Variants in SCAI observed in about 807,000 individuals in gnomAD.
SCAI encodes the protein protein SCAI.
Under a neutral mutation model 92.2 loss-of-function variants are expected in SCAI, and 24 were observed. That is an observed-to-expected ratio of 0.26 (90% CI 0.19 to 0.37). SCAI has a LOEUF of 0.37. SCAI is among the 10% of genes least tolerant of loss of function. The probability of loss-of-function intolerance (pLI) is 1.00; values close to 1 mark genes in which losing one functional copy is unlikely to be tolerated. For synonymous variants in SCAI, 261 were observed against 258.6 expected (o/e 1.01, Z -0.09); for missense variants, 450 against 736.2 (o/e 0.61, Z 4.50).
At chr9:125,133,979 G>A (rs773632378) in intron 2 of SCAI, among the ~76,000 whole-genome samples, 1 of 152,122 alleles carries the variant, frequency 6.6e-6, no homozygotes, top group Non-Finnish European at 1.5e-5. Flanking sequence ...ATTCTCAAAT[G>A]TCCCTTAGGA....
intron 2 of SCAI, among the ~76,000 whole-genome samples, chr9:125,086,059 T>C (rs542414231): frequency 1.3e-5 from 2 of 152,350 alleles, no homozygotes; most frequent in African/African-American, 4.8e-5. Flanking sequence ...TCTATCAAAC[T>C]TTTCTGGATC....
At chr9:125,037,897 C>T (rs1169077384) in intron 3 of SCAI, among the ~76,000 whole-genome samples, 2 of 151,340 alleles carry the variant, frequency 1.3e-5, no homozygotes, top group Admixed American at 6.6e-5. Flanking sequence ...GCCTGGGCGA[C>T]GAGAGTGAAA....
At chr9:125,035,370 GAAAGAAAC>G (rs571876235) in intron 3 of SCAI, among the ~76,000 whole-genome samples, 57 of 151,798 alleles carry the variant, frequency 3.8e-4, no homozygotes, top group Non-Finnish European at 6.9e-4. Context: ...AAGAAAAAAT[GAAAGAAAC>G]AAAGAAACAA....
intron 9 of SCAI, among the ~76,000 whole-genome samples, chr9:125,009,950 T>A (rs1381827157): frequency 6.6e-6 from 1 of 152,084 alleles, no homozygotes; most frequent in Non-Finnish European, 1.5e-5. Context: ...ATCCCAGCAC[T>A]TTGGGAGGCC....
In SCAI at chr9:125,030,826, G is replaced by A. The variant is rs181902021; in HGVS notation, c.231-1087C>T. The stretch of plus-strand genomic sequence containing the variant: ...TACACTTAAAATACAATGAGAAAAA[G>A]ATGAACTCAGAAAAGAATTAGCTGC... On this transcript the variant is annotated intron_variant, in intron 3 of 17. Coordinates refer to ENST00000336505, the MANE Select transcript of SCAI (RefSeq NM_001144877.3). Among the ~76,000 whole-genome samples the A allele has an allele frequency of 2.3e-3, 348 of 152,240 alleles. 2 individuals are homozygous for A. The highest frequency in any genetic ancestry group is 7.9e-3 in the African/African-American group (330 of 41,530).
chr9:125,108,967 G>A (rs1374857942), intron 2 of SCAI, among the ~76,000 whole-genome samples: 2 of 152,248 alleles, frequency 1.3e-5, no homozygotes, highest in South Asian at 2.1e-4. Context: ...TGCTGTGTCT[G>A]TGTAGAAAGA....
At chr9:124,985,525 C>T (rs1564366912) in intron 14 of SCAI, among the ~76,000 whole-genome samples, 1 of 152,060 alleles carries the variant, frequency 6.6e-6, no homozygotes, top group African/African-American at 2.4e-5. Flanking sequence ...TACAGGGGCA[C>T]AAAAACAGCA....
At chr9:125,005,390 G>A (rs936676727) in intron 9 of SCAI, among the ~76,000 whole-genome samples, 3 of 152,146 alleles carry the variant, frequency 2.0e-5, no homozygotes, top group Non-Finnish European at 4.4e-5. Flanking sequence ...GGAGTGCAAC[G>A]GCGCAATCTC....
intron 3 of SCAI, among the ~76,000 whole-genome samples, chr9:125,046,795 A>G (rs142420161): frequency 2.0e-5 from 3 of 152,014 alleles, no homozygotes; most frequent in Non-Finnish European, 1.5e-5. Context: ...AAGATGCTCT[A>G]TGTTTCTAGT....
At chr9:125,019,667 TGAC>T (rs1331008682) in intron 7 of SCAI, among the ~76,000 whole-genome samples, 1 of 152,104 alleles carries the variant, frequency 6.6e-6, no homozygotes, top group Non-Finnish European at 1.5e-5. Flanking sequence ...AAATACTTCC[TGAC>T]TTTATTTGGA....
chr9:125,115,611 T>C (rs1835030418), intron 2 of SCAI, among the ~76,000 whole-genome samples: 1 of 152,030 alleles, frequency 6.6e-6, no homozygotes, highest in African/African-American at 2.4e-5. Context: ...AACTAAAGAA[T>C]ACATACAGTA....
intron 3 of SCAI, among the ~76,000 whole-genome samples, chr9:125,046,225 GCA>G (rs1588175123): frequency 3.0e-5 from 1 of 32,834 alleles, no homozygotes; most frequent in Non-Finnish European, 6.5e-5. Context: ...ATATATATAT[GCA>G]CACACACATA....
At chr9:125,019,945 G>C (rs909375502) in intron 7 of SCAI, among the ~76,000 whole-genome samples, 6 of 151,872 alleles carry the variant, frequency 4.0e-5, no homozygotes, top group South Asian at 4.1e-4. Flanking sequence ...GTGGTGGCTT[G>C]AGCCTATGAT....
chr9:125,132,596 T>C (rs373053847), intron 2 of SCAI, among the ~76,000 whole-genome samples: 12 of 152,208 alleles, frequency 7.9e-5, no homozygotes, highest in African/African-American at 2.9e-4. Flanking sequence ...TGAAGCACCT[T>C]ACGCTCCATA....
Position 124,947,797 on chromosome 9 carries a change from C to T in SCAI, c.*5010G>A, listed in dbSNP as rs1831171647. The T allele has an allele frequency of 6.6e-6, 1 of 152,156 alleles. No homozygotes were observed. The highest frequency in any genetic ancestry group is 1.5e-5 in the Non-Finnish European group (1 of 68,036). 9.4% of individuals were successfully genotyped at this position (152,156 alleles called of 1,614,324 possible). A position where few individuals can be genotyped will look rare whatever the true frequency, so the allele number is the denominator to read the frequency against. On this transcript the variant is annotated 3_prime_UTR_variant, in exon 18 of 18. Transcript: ENST00000336505. Reference sequence around the variant, plus strand: ...TATGATTTCCAAACACACACAGGAACATATACACCCAAAACATCACCAGGA... The same window carrying T: ...TATGATTTCCAAACACACACAGGAATATATACACCCAAAACATCACCAGGA...
In SCAI at chr9:125,093,724, C is replaced by T. The variant is rs556192799; in HGVS notation, c.99-37717G>A. On this transcript the variant is annotated intron_variant, in intron 2 of 17. Coordinates refer to ENST00000336505, the MANE Select transcript of SCAI (RefSeq NM_001144877.3). ...GGGACTACAGGCACACACTGACACG[C>T]CTGGCTAATTTTTGTATTTTTACTA... 6.6e-5 allele frequency among the ~76,000 whole-genome samples: 10 copies of T among 152,100 alleles called. No homozygotes were observed. In the South Asian group the frequency reaches 1.9e-3, roughly 28 times the overall value.
rs976322993 is a variant in SCAI, at chr9:125,065,880, A to G, written c.99-9873T>C. 1.3e-5 allele frequency: 8 copies of G among 619,772 alleles called. No homozygotes were observed. The African/African-American group carries it at 1.4e-4, about 10-fold the overall frequency. 38.4% of individuals were successfully genotyped at this position (619,772 alleles called of 1,614,324 possible). A position where few individuals can be genotyped will look rare whatever the true frequency, so the allele number is the denominator to read the frequency against. On this transcript the variant is annotated intron_variant, in intron 2 of 17. Coordinates refer to ENST00000336505, the MANE Select transcript of SCAI (RefSeq NM_001144877.3). Reference sequence around the variant, plus strand: ...CAACTCACATTTGGTAAAATTTAACATTGGCTCACAATTAAGAAAAAGAAA... The same window carrying G: ...CAACTCACATTTGGTAAAATTTAACGTTGGCTCACAATTAAGAAAAAGAAA...
intron 3 of SCAI, among the ~76,000 whole-genome samples, chr9:125,047,196 T>C (rs1833461392): frequency 6.6e-6 from 1 of 152,086 alleles, no homozygotes; most frequent in Non-Finnish European, 1.5e-5. Context: ...AGGGAAGGTT[T>C]TAATACAATA....
chr9:125,108,676 C>G (rs1443354224), intron 2 of SCAI, among the ~76,000 whole-genome samples: 1 of 148,878 alleles, frequency 6.7e-6, no homozygotes, highest in Non-Finnish European at 1.5e-5. Context: ...CTCCGCCCGG[C>G]AGCCGCCCCG....
Sources: gnomAD v4.1 joint callset for allele counts (sites outside exome capture counted in the v4.1 genomes callset) on GRCh38, gnomAD v4.1.1 for gene constraint, MANE v1.5 for transcripts, NCBI Gene and HGNC (gene_info 2026-07-23, HGNC 2026-07-21) for gene names.